ZFPM2: variants seen among roughly 807,000 people sequenced by gnomAD.
The protein encoded by ZFPM2 is zinc finger protein ZFPM2.
Under a neutral mutation model 98.6 loss-of-function variants are expected in ZFPM2, and 20 were observed. The ratio of observed to expected loss-of-function variants is 0.20; its 90% CI spans 0.14 to 0.29. ZFPM2 has a LOEUF of 0.29. Ranked by LOEUF, ZFPM2 falls within the 10% of genes least tolerant of loss-of-function variation. The pLI, the probability that ZFPM2 is intolerant of heterozygous loss-of-function variation, is 1.00. For missense variants in ZFPM2, 1,310 were observed against 1,388.6 expected (o/e 0.94, Z 0.90); for synonymous variants, 518 against 502.7 (o/e 1.03, Z -0.41).
chr8:105,742,295 T>A (rs1241228804), intron 5 of ZFPM2, among the ~76,000 whole-genome samples: 1 of 151,132 alleles, frequency 6.6e-6, no homozygotes, highest in East Asian at 2.0e-4. Context: ...GGAAGATCAC[T>A]TGAGCCCAGT....
At chr8:105,489,449 T>A (rs1813310206) in intron 3 of ZFPM2, among the ~76,000 whole-genome samples, 1 of 59,782 alleles carries the variant, frequency 1.7e-5, no homozygotes, top group Admixed American at 1.7e-4. Flanking sequence ...TATATGTTTT[T>A]ATATATATAT....
chr8:105,361,801 C>T (rs1431724567), intron 1 of ZFPM2, among the ~76,000 whole-genome samples: 3 of 151,190 alleles, frequency 2.0e-5, no homozygotes, highest in African/African-American at 7.4e-5. Context: ...GATGGTGGTC[C>T]CATAAGATAA....
At chr8:105,563,104 C>T (rs921335) in intron 4 of ZFPM2, among the ~76,000 whole-genome samples, 103,178 of 152,076 alleles carry the variant, frequency 0.68, 36,553 homozygotes, top group African/African-American at 0.91. Flanking sequence ...TTTAAATGAC[C>T]CTATCTATGC....
intron 3 of ZFPM2, among the ~76,000 whole-genome samples, chr8:105,482,416 G>C (rs1813138242): frequency 6.6e-6 from 1 of 151,928 alleles, no homozygotes; most frequent in Admixed American, 6.6e-5. Flanking sequence ...CCATTAACTG[G>C]ATACTTCTCT....
chr8:105,560,130 G>A (rs1377049317), intron 3 of ZFPM2, among the ~76,000 whole-genome samples: 2 of 148,038 alleles, frequency 1.4e-5, no homozygotes, highest in East Asian at 2.0e-4. Context: ...ACTCTTGAAC[G>A]CGAGAGGCAG....
chr8:105,491,570 T>C (rs1249710000), intron 3 of ZFPM2, among the ~76,000 whole-genome samples: 1 of 152,192 alleles, frequency 6.6e-6, no homozygotes, highest in Non-Finnish European at 1.5e-5. Context: ...TGTTGGAGTT[T>C]GAATGCAACT....
chr8:105,442,979 A>G (rs1812284575), intron 2 of ZFPM2, among the ~76,000 whole-genome samples: 1 of 151,952 alleles, frequency 6.6e-6, no homozygotes, highest in South Asian at 2.1e-4. Flanking sequence ...TGGATACTTC[A>G]GAGAAAGCTA....
intron 5 of ZFPM2, chr8:105,784,790 T>G (rs1265368555): frequency 1.4e-5 from 2 of 145,306 alleles, no homozygotes; most frequent in Non-Finnish European, 2.9e-5. Flanking sequence ...TGCCCAAACA[T>G]CCGCCAAGAG....
intron 1 of ZFPM2, among the ~76,000 whole-genome samples, chr8:105,394,989 G>A (rs1422091950): frequency 6.6e-6 from 1 of 152,108 alleles, no homozygotes; most frequent in Non-Finnish European, 1.5e-5. Context: ...TGGCTTCTGG[G>A]TAGTGTCTGT....
chr8:105,764,461 CTTA>C (rs1443474817), intron 5 of ZFPM2, among the ~76,000 whole-genome samples: 2 of 151,156 alleles, frequency 1.3e-5, no homozygotes, highest in East Asian at 1.9e-4. Context: ...TTCTATTATC[CTTA>C]TTATGACTTT....
At chr8:105,797,359 C>G (rs186151780) in intron 6 of ZFPM2, 1 of 152,302 alleles carries the variant, frequency 6.6e-6, no homozygotes, top group East Asian at 1.9e-4. Flanking sequence ...TGTTGTGTTT[C>G]CCTTAGAGTA....
chr8:105,669,565 T>A (rs1817551072), intron 5 of ZFPM2, among the ~76,000 whole-genome samples: 1 of 151,266 alleles, frequency 6.6e-6, no homozygotes, highest in Non-Finnish European at 1.5e-5. Flanking sequence ...TGTGTGTGTG[T>A]AAATAAAGAT....
intron 3 of ZFPM2, among the ~76,000 whole-genome samples, chr8:105,507,540 G>A (rs1813728590): frequency 1.3e-5 from 2 of 152,198 alleles, no homozygotes; most frequent in Non-Finnish European, 2.9e-5. Context: ...TGTTGCATGT[G>A]AAATTCAAAT....
chr8:105,417,253 A>T (rs990725422), intron 1 of ZFPM2, among the ~76,000 whole-genome samples: 1 of 152,198 alleles, frequency 6.6e-6, no homozygotes, highest in Admixed American at 6.5e-5. Flanking sequence ...TCAAATCTAC[A>T]AAATGAAAAT....
At chr8:105,427,737 G>A (rs539881211) in intron 2 of ZFPM2, among the ~76,000 whole-genome samples, 2 of 152,086 alleles carry the variant, frequency 1.3e-5, no homozygotes, top group Admixed American at 1.3e-4. Context: ...GTCCTTAAAA[G>A]GTCAAGTAAA....
At chr8:105,741,288 G>A (rs2131033537) in intron 5 of ZFPM2, among the ~76,000 whole-genome samples, 1 of 152,208 alleles carries the variant, frequency 6.6e-6, no homozygotes, top group South Asian at 2.1e-4. Context: ...TTTCCATGTA[G>A]TTGTGAAACT....
chr8:105,393,120 A>G (rs1396488738), intron 1 of ZFPM2, among the ~76,000 whole-genome samples: 3 of 152,200 alleles, frequency 2.0e-5, no homozygotes, highest in Non-Finnish European at 4.4e-5. Context: ...AATTTTTTTA[A>G]AGCCTCTAAT....
intron 5 of ZFPM2, among the ~76,000 whole-genome samples, chr8:105,653,279 A>G (rs1274168014): frequency 6.6e-6 from 1 of 152,184 alleles, no homozygotes; most frequent in Non-Finnish European, 1.5e-5. Flanking sequence ...GATACAAAAA[A>G]AAAGACCATT....
At position 105,801,277 on chromosome 8, in the gene ZFPM2, C is replaced by A; in HGVS notation, c.1195C>A (p.His399Asn). The change falls in exon 8 of 8, where the codon CAC (histidine) becomes AAC (asparagine). Residue 399 changes from histidine (H) to asparagine (N), a missense_variant. Coordinates refer to ENST00000407775, the MANE Select transcript of ZFPM2 (RefSeq NM_012082.4). ...ACTTCCCAGAGAAAGTGACATGGAA[C>A]ACTCTCCAAGTGCAACTGAAGACAG... is the stretch of plus-strand genomic sequence containing the variant. ...GKLPRESDMEHSPSATEDSLQ... is the reference protein window; with the variant it reads ...GKLPRESDMENSPSATEDSLQ... 4 of 1,613,902 alleles carry A rather than the reference C, an allele frequency of 2.5e-6. No homozygotes were observed. Among genetic ancestry groups the A allele is most frequent in the Non-Finnish European group, 3.4e-6 (4 of 1,179,872 alleles).
Sources: allele counts gnomAD v4.1 joint callset (sites outside exome capture counted in the v4.1 genomes callset), GRCh38; gene constraint gnomAD v4.1.1; transcripts MANE v1.5; gene names NCBI Gene and HGNC (gene_info 2026-07-23, HGNC 2026-07-21).